Variants in TRPA1 observed in about 807,000 individuals in gnomAD.
TRPA1 encodes the protein transient receptor potential cation channel subfamily A member 1, also known as ankyrin-like with transmembrane domains 1.
In TRPA1, 129 loss-of-function variants were observed where a neutral mutation model predicts 131.3. That is an observed-to-expected ratio of 0.98 (90% confidence interval 0.85 to 1.14). The LOEUF is 1.14. Among genes scored for constraint, TRPA1 ranks in the 50% most tolerant of loss-of-function variants. TRPA1 has a pLI of 0.00. For missense variants in TRPA1, 1,304 were observed against 1,354.2 expected (o/e 0.96, Z 0.58); for synonymous variants, 441 against 451.7 (o/e 0.98, Z 0.30).
chr8:72,079,549 T>C (rs957027692), upstream of TRPA1, among the ~76,000 whole-genome samples: 1 of 152,012 alleles, frequency 6.6e-6, no homozygotes, highest in African/African-American at 2.4e-5. Context: ...CCCTATCTTC[T>C]TCCATTGATT....
At chr8:72,078,431 A>G (rs1013770312), upstream of TRPA1, among the ~76,000 whole-genome samples, 7 of 152,084 alleles carry the variant, frequency 4.6e-5, no homozygotes, top group South Asian at 2.1e-4. Flanking sequence ...GCAACCTTCA[A>G]TCTGTCTTTG....
intron 26 of TRPA1, 93 bp downstream of exon 26, chr8:72,023,720 AC>A: frequency 1.2e-6 from 1 of 813,846 alleles, no homozygotes; most frequent in Non-Finnish European, 2.0e-6. Flanking sequence ...AATATATAAA[AC>A]AAAAACATCA....
At chr8:72,083,493 G>T in the TRPA1 span, among the ~76,000 whole-genome samples, 3 of 152,156 alleles carry the variant, frequency 2.0e-5, no homozygotes, top group South Asian at 6.2e-4. Flanking sequence ...CCAGCACTTT[G>T]GGAGGCCGAG....
chr8:72,084,300 T>G, the TRPA1 span, among the ~76,000 whole-genome samples: 1 of 152,248 alleles, frequency 6.6e-6, no homozygotes, highest in Middle Eastern at 3.4e-3. Flanking sequence ...AATAATCCAT[T>G]TCATAAACAT....
In TRPA1 at chr8:72,075,525, C is replaced by T. The variant is rs956287799; in HGVS notation, c.-116G>A. ...GGGTCCGCGCGAGCCCGAGCTCTCC[C>T]GCGCTGCAGCTCACAGGCAGCGAAA... On this transcript the variant is annotated 5_prime_UTR_variant, in exon 1 of 27. Coordinates refer to ENST00000262209, the MANE Select transcript of TRPA1 (RefSeq NM_007332.3). 9.5e-6 allele frequency: 8 copies of T among 839,322 alleles called. No individual in the cohort carries two copies. The highest frequency in any genetic ancestry group is 8.2e-5 in the South Asian group (6 of 72,798). The allele number at this position is 839,322 out of a possible 1,614,324, so 52.0% of individuals were successfully genotyped here.
intron 4 of TRPA1, among the ~76,000 whole-genome samples, chr8:72,064,584 T>C (rs1805885463): frequency 6.6e-6 from 1 of 152,168 alleles, no homozygotes; most frequent in South Asian, 2.1e-4. Context: ...TTAGAGTATG[T>C]ACCTATCTCT....
At chr8:72,031,377 C>T (rs1811809243) in intron 23 of TRPA1, among the ~76,000 whole-genome samples, 1 of 151,408 alleles carries the variant, frequency 6.6e-6, no homozygotes, top group African/African-American at 2.4e-5. Flanking sequence ...CTAGGAGTTC[C>T]AGACCAGCCT....
chr8:72,049,804 T>G (rs1805449095), intron 15 of TRPA1, among the ~76,000 whole-genome samples: 2 of 152,196 alleles, frequency 1.3e-5, no homozygotes, highest in African/African-American at 4.8e-5. Context: ...AGCTTTTATC[T>G]TCACAGTTTG....
chr8:72,029,857 A>G, intron 24 of TRPA1, 44 bp downstream of exon 24: 2 of 1,580,008 alleles, frequency 1.3e-6, no homozygotes, highest in Non-Finnish European at 1.7e-6. Context: ...TTGTGGGTTT[A>G]CCAGAAGATA....
In TRPA1 at chr8:72,059,408, T is replaced by C. The variant is rs1805752683; in HGVS notation, c.975A>G (p.Ala325=). Residue 325 remains alanine (A), a synonymous_variant, in exon 8 of 27, where the codon GCA becomes GCG. Coordinates refer to ENST00000262209, the MANE Select transcript of TRPA1 (RefSeq NM_007332.3). ...TAGTTACCACTGAAATTAAATAGTC[T>C]GCTAGCTCATGGTGATCAAACAATG... The part of the protein sequence containing the change: ...RASLFDHHEL[A]DYLISVGADI... The C allele has an allele frequency of 1.3e-6, 2 of 1,584,688 alleles. No individual in the cohort carries two copies. The highest frequency in any genetic ancestry group is 8.6e-7 in the Non-Finnish European group (1 of 1,158,720).
At chr8:72,026,936 T>C (rs1811632229) in intron 24 of TRPA1, among the ~76,000 whole-genome samples, 1 of 152,094 alleles carries the variant, frequency 6.6e-6, no homozygotes, top group African/African-American at 2.4e-5. Flanking sequence ...GTCCCCCAAA[T>C]GACTTTCCCC....
intron 4 of TRPA1, among the ~76,000 whole-genome samples, chr8:72,064,127 A>T (rs1805874461): frequency 6.6e-6 from 1 of 152,048 alleles, no homozygotes; most frequent in South Asian, 2.1e-4. Context: ...CTTCAGTTTT[A>T]AGTACCTCTA....
chr8:72,035,358 C>T (rs1811993335), intron 21 of TRPA1, among the ~76,000 whole-genome samples: 1 of 152,190 alleles, frequency 6.6e-6, no homozygotes, highest in Non-Finnish European at 1.5e-5. Context: ...ATACCACGTA[C>T]TCTCCAAGGG....
intron 1 of TRPA1, among the ~76,000 whole-genome samples, chr8:72,074,026 C>G (rs1362438704): frequency 6.6e-6 from 1 of 152,192 alleles, no homozygotes; most frequent in African/African-American, 2.4e-5. Context: ...TTCCTGCAAC[C>G]TGCTTAGAGA....
upstream of TRPA1, among the ~76,000 whole-genome samples, chr8:72,080,142 T>TC (rs1176347612): frequency 1.3e-5 from 2 of 151,840 alleles, no homozygotes; most frequent in African/African-American, 4.8e-5. Context: ...TAATTTTTTT[T>TC]CCCACCTCAG....
In TRPA1 at chr8:72,033,837, A is replaced by G; in HGVS notation, c.2686-11T>C. On this transcript the variant is annotated splice_polypyrimidine_tract_variant and intron_variant, in intron 22 of 26. Coordinates refer to ENST00000262209, the MANE Select transcript of TRPA1 (RefSeq NM_007332.3). ...AGAGCTGAAGGGATCCTGAAAGCAG[A>G]CGGTGAGGTACAAATGAAATGCAAA... is the stretch of plus-strand genomic sequence containing the variant. 3 of 1,613,014 alleles carry G rather than the reference A, an allele frequency of 1.9e-6. No homozygotes were observed. Among genetic ancestry groups the G allele is most frequent in the Non-Finnish European group, 2.5e-6 (3 of 1,179,100 alleles).
chr8:72,053,246 T>C (rs1805572763), intron 13 of TRPA1: 1 of 207,982 alleles, frequency 4.8e-6, no homozygotes, highest in Non-Finnish European at 9.8e-6. Flanking sequence ...CTGTTATAAG[T>C]TTGCCCATTT....
chr8:72,026,533 G>A (rs1299426641), intron 24 of TRPA1, among the ~76,000 whole-genome samples: 1 of 152,136 alleles, frequency 6.6e-6, no homozygotes, highest in Non-Finnish European at 1.5e-5. Context: ...GAGAGAAGAA[G>A]GAGTGCTTAA....
At chr8:72,070,023 C>T (rs1459282077) in intron 2 of TRPA1, among the ~76,000 whole-genome samples, 1 of 152,150 alleles carries the variant, frequency 6.6e-6, no homozygotes, top group Non-Finnish European at 1.5e-5. Context: ...TTCTGCAATA[C>T]CATATATGGT....
Sources: allele counts gnomAD v4.1 joint callset (sites outside exome capture counted in the v4.1 genomes callset), GRCh38; gene constraint gnomAD v4.1.1; transcripts MANE v1.5; gene names NCBI Gene and HGNC (gene_info 2026-07-23, HGNC 2026-07-21).